Variants in LSAMP observed in about 807,000 individuals in gnomAD.
The protein encoded by LSAMP is limbic system-associated membrane protein.
In LSAMP, 7 loss-of-function variants were observed where a neutral mutation model predicts 38.6. That is an observed-to-expected ratio of 0.18 (90% CI 0.10 to 0.34). LSAMP has a LOEUF of 0.34. LSAMP is among the 10% of genes least tolerant of loss of function. The probability of loss-of-function intolerance (pLI) is 1.00; values close to 1 mark genes in which losing one functional copy is unlikely to be tolerated. For synonymous variants in LSAMP, 154 were observed against 166.8 expected, an observed-to-expected ratio of 0.92 and a Z score of 0.59; for missense variants, 313 against 420.0, an observed-to-expected ratio of 0.75 and a Z score of 2.23.
intron 1 of LSAMP, among the ~76,000 whole-genome samples, chr3:116,154,691 C>T (rs1322710076): frequency 2.6e-5 from 4 of 152,100 alleles, no homozygotes; most frequent in Non-Finnish European, 5.9e-5. Context: ...GGCCTTCACA[C>T]ATATCCTTCC....
chr3:116,151,561 G>T (rs1002650963), intron 1 of LSAMP, among the ~76,000 whole-genome samples: 4 of 151,628 alleles, frequency 2.6e-5, no homozygotes, highest in African/African-American at 7.2e-5. Context: ...ATTATGGCTC[G>T]TCCATGCATG....
At chr3:116,314,268 C>T (rs931815907) in intron 1 of LSAMP, among the ~76,000 whole-genome samples, 1 of 152,104 alleles carries the variant, frequency 6.6e-6, no homozygotes, top group African/African-American at 2.4e-5. Flanking sequence ...TACATCAGAT[C>T]GCTAATTTGC....
rs369285368 is a variant in LSAMP, at chr3:116,212,219, C to G, written c.156-125663G>C. On this transcript the variant is annotated intron_variant, in intron 1 of 6. Transcript: ENST00000490035. ...TTGGGATTGAGAGAATGCTTATGAT[C>G]AGCCAATTGGAAAGATGCGCAAAGT... 5.9e-5 allele frequency among the ~76,000 whole-genome samples: 9 copies of G among 152,170 alleles called. No individual in the cohort carries two copies. The East Asian group carries it at 1.7e-3, about 29-fold the overall frequency.
At chr3:115,886,052 G>T (rs1199517094) in intron 3 of LSAMP, among the ~76,000 whole-genome samples, 1 of 151,950 alleles carries the variant, frequency 6.6e-6, no homozygotes, top group Non-Finnish European at 1.5e-5. Flanking sequence ...CAGAGAACCA[G>T]GAGTTCTAGT....
intron 1 of LSAMP, among the ~76,000 whole-genome samples, chr3:116,416,946 G>A (rs1048344240): frequency 6.6e-6 from 1 of 152,126 alleles, no homozygotes; most frequent in Non-Finnish European, 1.5e-5. Flanking sequence ...AAACACAGGA[G>A]GGGTCCAAGA....
chr3:116,426,858 G>A (rs1449413867), intron 1 of LSAMP, among the ~76,000 whole-genome samples: 8 of 151,292 alleles, frequency 5.3e-5, no homozygotes, highest in Admixed American at 6.6e-5. Flanking sequence ...ATAGTATGGG[G>A]GAGTGTAATT....
chr3:116,238,409 T>C (rs2046491967), intron 1 of LSAMP, among the ~76,000 whole-genome samples: 1 of 152,210 alleles, frequency 6.6e-6, no homozygotes, highest in Admixed American at 6.5e-5. Flanking sequence ...ATTTTTCAAA[T>C]GTTTAAATAT....
intron 3 of LSAMP, among the ~76,000 whole-genome samples, chr3:115,980,722 G>T (rs972204065): frequency 5.3e-5 from 8 of 152,080 alleles, no homozygotes; most frequent in South Asian, 2.1e-4. Flanking sequence ...AGGGGACCTT[G>T]GTCCTATGAC....
chr3:116,031,642 A>AACAGAAAC (rs1940929127), intron 2 of LSAMP, among the ~76,000 whole-genome samples: 1 of 144,796 alleles, frequency 6.9e-6, no homozygotes, highest in Non-Finnish European at 1.5e-5. Context: ...GGTAGATTCT[A>AACAGAAAC]ACAGAAACAA....
At chr3:116,199,554 G>C (rs942009283) in intron 1 of LSAMP, among the ~76,000 whole-genome samples, 30 of 152,290 alleles carry the variant, frequency 2.0e-4, no homozygotes, top group African/African-American at 7.0e-4. Flanking sequence ...ACTAGTCTTA[G>C]CACCTAGTCT....
At chr3:116,188,941 T>C (rs1710689462) in intron 1 of LSAMP, among the ~76,000 whole-genome samples, 1 of 152,210 alleles carries the variant, frequency 6.6e-6, no homozygotes, top group South Asian at 2.1e-4. Flanking sequence ...ATCTCATCAG[T>C]ATTGATCAGT....
At chr3:115,885,525 G>A (rs550814973) in intron 3 of LSAMP, among the ~76,000 whole-genome samples, 1 of 148,550 alleles carries the variant, frequency 6.7e-6, no homozygotes, top group African/African-American at 2.5e-5. Flanking sequence ...ACTGAAAGAG[G>A]TAAGTTTAAT....
chr3:115,851,605 G>T (rs539630297), intron 4 of LSAMP, among the ~76,000 whole-genome samples: 4 of 152,348 alleles, frequency 2.6e-5, no homozygotes, highest in Admixed American at 1.3e-4. Context: ...TATGGATTAA[G>T]ATGTTTGTAC....
At chr3:116,112,752 T>G (rs976773617) in intron 1 of LSAMP, among the ~76,000 whole-genome samples, 3 of 152,110 alleles carry the variant, frequency 2.0e-5, no homozygotes, top group Admixed American at 6.5e-5. Context: ...AAAATAAAAT[T>G]AGGTGAATTA....
At chr3:116,218,738 A>C (rs1279744454) in intron 1 of LSAMP, among the ~76,000 whole-genome samples, 1 of 152,160 alleles carries the variant, frequency 6.6e-6, no homozygotes, top group Non-Finnish European at 1.5e-5. Context: ...TCCTGGGCTG[A>C]AGTGAACCTC....
At chr3:115,864,509 CA>C (rs1935803086) in intron 3 of LSAMP, among the ~76,000 whole-genome samples, 1 of 152,152 alleles carries the variant, frequency 6.6e-6, no homozygotes, top group African/African-American at 2.4e-5. Context: ...ATTCTGAGAA[CA>C]AGCCCAACCT....
intron 3 of LSAMP, among the ~76,000 whole-genome samples, chr3:115,885,873 A>G (rs546260758): frequency 1.3e-5 from 2 of 152,040 alleles, no homozygotes; most frequent in South Asian, 4.1e-4. Flanking sequence ...GATCCCCAAA[A>G]CTACAAAGTG....
intron 3 of LSAMP, among the ~76,000 whole-genome samples, chr3:115,949,061 A>C (rs1343919106): frequency 6.6e-6 from 1 of 152,154 alleles, no homozygotes; most frequent in African/African-American, 2.4e-5. Flanking sequence ...TGAGGCCAGG[A>C]GTTCGAGACC....
intron 3 of LSAMP, among the ~76,000 whole-genome samples, chr3:116,011,757 G>A (rs937735663): frequency 1.3e-5 from 2 of 152,100 alleles, no homozygotes; most frequent in African/African-American, 4.8e-5. Flanking sequence ...ATTAATCATT[G>A]CTGGGGCAAA....
Sources: gnomAD v4.1 joint callset for allele counts (sites outside exome capture counted in the v4.1 genomes callset) on GRCh38, gnomAD v4.1.1 for gene constraint, MANE v1.5 for transcripts, NCBI Gene and HGNC (gene_info 2026-07-23, HGNC 2026-07-21) for gene names.